GSTCD: variants seen among roughly 807,000 people sequenced by gnomAD.
The protein encoded by GSTCD is glutathione S-transferase C-terminal domain-containing protein.
A neutral mutation model predicts 68.3 loss-of-function variants in GSTCD; 44 were observed. The ratio of observed to expected loss-of-function variants is 0.64; its 90% CI spans 0.51 to 0.83. The LOEUF is 0.83. GSTCD is among the 40% of genes least tolerant of loss of function. The pLI is 0.00. For missense variants in GSTCD, 739 were observed against 735.9 expected (o/e 1.00, Z -0.05); for synonymous variants, 273 against 255.2 (o/e 1.07, Z -0.67).
intron 5 of GSTCD, among the ~76,000 whole-genome samples, chr4:105,794,143 TC>T (rs2149257475): frequency 6.6e-6 from 1 of 152,212 alleles, no homozygotes; most frequent in Admixed American, 6.5e-5. Context: ...AATAATGTTT[TC>T]TTATTCATGT....
At chr4:105,821,359 T>G (rs1156326838) in intron 5 of GSTCD, among the ~76,000 whole-genome samples, 1 of 151,864 alleles carries the variant, frequency 6.6e-6, no homozygotes, top group Non-Finnish European at 1.5e-5. Context: ...AAAGTTGTCA[T>G]GACAAAAATC....
chr4:105,803,040 C>T (rs1306037644), intron 5 of GSTCD, among the ~76,000 whole-genome samples: 1 of 152,046 alleles, frequency 6.6e-6, no homozygotes, highest in Non-Finnish European at 1.5e-5. Flanking sequence ...CACAATAGTC[C>T]TACAAATACT....
At chr4:105,817,889 T>C (rs1452247300) in intron 5 of GSTCD, among the ~76,000 whole-genome samples, 2 of 151,928 alleles carry the variant, frequency 1.3e-5, no homozygotes, top group Non-Finnish European at 2.9e-5. Flanking sequence ...GACAAATGCA[T>C]GCATAGCATC....
intron 5 of GSTCD, among the ~76,000 whole-genome samples, chr4:105,753,471 T>C (rs1734075118): frequency 6.6e-6 from 1 of 152,004 alleles, no homozygotes; most frequent in African/African-American, 2.4e-5. Flanking sequence ...TAAAAATATT[T>C]GAAAAAAATT....
chr4:105,749,232 T>C (rs989535598), intron 5 of GSTCD, among the ~76,000 whole-genome samples: 1 of 151,948 alleles, frequency 6.6e-6, no homozygotes, highest in Non-Finnish European at 1.5e-5. Context: ...AATACACTTA[T>C]TATTTAAATT....
At chr4:105,824,831 A>G (rs988392642) in intron 7 of GSTCD, among the ~76,000 whole-genome samples, 1 of 152,108 alleles carries the variant, frequency 6.6e-6, no homozygotes, top group Non-Finnish European at 1.5e-5. Flanking sequence ...GAAATTGCGT[A>G]CCAATTTTCT....
At chr4:105,820,671 G>A (rs1723241060) in intron 5 of GSTCD, 1 of 151,866 alleles carries the variant, frequency 6.6e-6, no homozygotes, top group Non-Finnish European at 1.5e-5. Context: ...CCATGCTGCT[G>A]TATTTTTAGC....
intron 1 of GSTCD, among the ~76,000 whole-genome samples, chr4:105,709,552 T>C (rs1377193824): frequency 2.6e-5 from 4 of 152,240 alleles, no homozygotes; most frequent in Non-Finnish European, 4.4e-5. Context: ...TTTTAACTTC[T>C]ATAGAAAGTT....
At chr4:105,743,653 CTTT>C (rs777714268) in intron 5 of GSTCD, among the ~76,000 whole-genome samples, 290 of 88,852 alleles carry the variant, frequency 3.3e-3, no homozygotes, top group Middle Eastern at 6.5e-3. Flanking sequence ...ACAGGACATT[CTTT>C]TTTTTTTTTT....
intron 8 of GSTCD, among the ~76,000 whole-genome samples, chr4:105,830,441 G>A (rs1723847916): frequency 6.6e-6 from 1 of 151,994 alleles, no homozygotes; most frequent in Non-Finnish European, 1.5e-5. Flanking sequence ...GACAGTCAAG[G>A]TCTCAATAAA....
intron 1 of GSTCD, among the ~76,000 whole-genome samples, chr4:105,714,515 T>C (rs1732628454): frequency 6.6e-6 from 1 of 151,978 alleles, no homozygotes; most frequent in Non-Finnish European, 1.5e-5. Flanking sequence ...ATACTGGTTC[T>C]ACTCTCTAAA....
intron 5 of GSTCD, among the ~76,000 whole-genome samples, chr4:105,793,778 T>C (rs1015318775): frequency 2.0e-5 from 3 of 152,166 alleles, no homozygotes; most frequent in South Asian, 2.1e-4. Flanking sequence ...GAATTTATGG[T>C]TACTTTTAGT....
intron 5 of GSTCD, among the ~76,000 whole-genome samples, chr4:105,750,612 A>G (rs1038880427): frequency 1.3e-5 from 2 of 152,216 alleles, no homozygotes; most frequent in African/African-American, 4.8e-5. Flanking sequence ...TGAACATGCA[A>G]CTAGCATAAG....
At chr4:105,825,999 C>A (rs944028109) in intron 8 of GSTCD, 199 bp downstream of exon 8, 2 of 247,830 alleles carry the variant, frequency 8.1e-6, no homozygotes, top group African/African-American at 4.6e-5. Flanking sequence ...ACAGAGATAA[C>A]ATTGGCTCCT....
chr4:105,791,234 A>G (rs974914811), intron 5 of GSTCD, among the ~76,000 whole-genome samples: 1 of 151,890 alleles, frequency 6.6e-6, no homozygotes, highest in African/African-American at 2.4e-5. Context: ...TCTACTAAAA[A>G]TACAAAAAAT....
At chr4:105,832,978 C>G (rs1723955218) in intron 8 of GSTCD, among the ~76,000 whole-genome samples, 1 of 152,136 alleles carries the variant, frequency 6.6e-6, no homozygotes, top group Non-Finnish European at 1.5e-5. Context: ...AGGCTGTTTT[C>G]AGAGTGAAAC....
intron 5 of GSTCD, among the ~76,000 whole-genome samples, chr4:105,771,508 A>T (rs1214088445): frequency 6.6e-6 from 1 of 152,168 alleles, no homozygotes; most frequent in Admixed American, 6.5e-5. Context: ...TTTAGGTCTA[A>T]CATTTAAGTC....
In GSTCD at chr4:105,726,766, G is replaced by A. The variant is rs1578412821; in HGVS notation, c.1082G>A (p.Gly361Asp). Residue 361 changes from glycine (G) to aspartate (D), a missense_variant, in exon 4 of 12, where the codon GGT becomes GAT. Coordinates refer to ENST00000515279, the MANE Select transcript of GSTCD (RefSeq NM_001370181.1). ...EQHPNLCEVP[G>D]VEEQSDPLFI... ...CATCCAAACTTATGTGAAGTCCCAG[G>A]TGTAGAAGAGCAAAGCGATCCTTTA... 1 of 1,613,842 alleles carries A rather than the reference G, an allele frequency of 6.2e-7. No individual in the cohort carries two copies. Among genetic ancestry groups the A allele is most frequent in the Non-Finnish European group, 8.5e-7 (1 of 1,179,790 alleles).
chr4:105,799,348 A>G (rs1364425823), intron 5 of GSTCD, among the ~76,000 whole-genome samples: 1 of 152,188 alleles, frequency 6.6e-6, no homozygotes, highest in Admixed American at 6.6e-5. Context: ...TTGCATTCAT[A>G]TCTTGGCTAG....
Sources: gnomAD v4.1 joint callset for allele counts (sites outside exome capture counted in the v4.1 genomes callset) on GRCh38, gnomAD v4.1.1 for gene constraint, MANE v1.5 for transcripts, NCBI Gene and HGNC (gene_info 2026-07-23, HGNC 2026-07-21) for gene names.